CHODL: variants seen among roughly 807,000 people sequenced by gnomAD.
CHODL encodes the protein transmembrane protein MT75.
Under a neutral mutation model 34.5 loss-of-function variants are expected in CHODL, and 29 were observed. The ratio of observed to expected loss-of-function variants is 0.84; its 90% CI spans 0.63 to 1.15. The LOEUF is 1.15. Among genes scored for constraint, CHODL ranks in the 50% most tolerant of loss-of-function variants. The probability of loss-of-function intolerance (pLI) is 0.00; values close to 1 mark genes in which losing one functional copy is unlikely to be tolerated. For missense variants in CHODL, 332 were observed against 332.5 expected (o/e 1.00, Z 0.01); for synonymous variants, 125 against 116.1 (o/e 1.08, Z -0.49).
intron 2 of CHODL, chr21:18,099,955 C>T (rs1036788466): frequency 6.6e-6 from 1 of 151,924 alleles, no homozygotes; most frequent in African/African-American, 2.4e-5. Flanking sequence ...ATGGAGGGGT[C>T]CAGATGTTAT....
At chr21:17,960,763 T>G (rs1428988619) in intron 1 of CHODL, among the ~76,000 whole-genome samples, 1 of 152,158 alleles carries the variant, frequency 6.6e-6, no homozygotes, top group Admixed American at 6.6e-5. Flanking sequence ...TCCCCGGTCA[T>G]TCTCTCTTCT....
chr21:17,997,302 C>G (rs2063859187), intron 1 of CHODL, among the ~76,000 whole-genome samples: 1 of 152,206 alleles, frequency 6.6e-6, no homozygotes, highest in Non-Finnish European at 1.5e-5. Context: ...GCATGGCCAG[C>G]TTTCCTTCCT....
At chr21:18,135,879 C>A (rs566811037) in intron 2 of CHODL, among the ~76,000 whole-genome samples, 14 of 151,966 alleles carry the variant, frequency 9.2e-5, no homozygotes, top group African/African-American at 3.1e-4. Context: ...GAGGCCAAGG[C>A]GGATGGATCA....
intron 1 of CHODL, among the ~76,000 whole-genome samples, chr21:17,974,968 C>T (rs1472882347): frequency 6.7e-6 from 1 of 148,682 alleles, no homozygotes; most frequent in African/African-American, 2.4e-5. Flanking sequence ...ATATTATAGA[C>T]ATATATAAAA....
chr21:17,992,069 A>C (rs2063801719), intron 1 of CHODL, among the ~76,000 whole-genome samples: 1 of 152,134 alleles, frequency 6.6e-6, no homozygotes, highest in South Asian at 2.1e-4. Flanking sequence ...AGCACCAGTT[A>C]TTGAAGAGAC....
intron 2 of CHODL, among the ~76,000 whole-genome samples, chr21:18,206,130 G>A (rs1289318463): frequency 6.6e-6 from 1 of 152,130 alleles, no homozygotes; most frequent in Non-Finnish European, 1.5e-5. Context: ...AAAATGTTCC[G>A]TAAATATCTG....
rs145418402 is a variant in CHODL at position 18,260,212 on chromosome 21, C to G, written c.560C>G (p.Thr187Arg). ...ICKYEPEINPTAPVEKPYLTN... is the reference protein window; with the variant it reads ...ICKYEPEINPRAPVEKPYLTN... ...TTATTATTTACAGAGATTAATCCAACAGCCCCTGTAGAAAAGCCTTATCTT... is the reference window on the plus strand; with the variant it reads ...TTATTATTTACAGAGATTAATCCAAGAGCCCCTGTAGAAAAGCCTTATCTT... Residue 187 changes from threonine to arginine, a missense_variant, in exon 4 of 6, where the codon ACA becomes AGA. Thr to Arg is a moderately conservative substitution (Grantham distance 71). Coordinates refer to ENST00000299295, the MANE Select transcript of CHODL (RefSeq NM_024944.3). The G allele has an allele frequency of 6.4e-7, 1 of 1,563,118 alleles. No homozygotes were observed. The highest frequency in any genetic ancestry group is 8.7e-7 in the Non-Finnish European group (1 of 1,155,706).
chr21:18,133,791 T>C (rs1276585366), intron 2 of CHODL, among the ~76,000 whole-genome samples: 2 of 152,168 alleles, frequency 1.3e-5, no homozygotes, highest in South Asian at 2.1e-4. Context: ...TAGGAATCTT[T>C]ATGAACATGA....
chr21:18,245,067 A>T lies in CHODL; in HGVS notation c.-157A>T. 1.7e-6 allele frequency: 1 copy of T among 584,290 alleles called. No individual in the cohort carries two copies. The highest frequency in any genetic ancestry group is 2.7e-6 in the Non-Finnish European group (1 of 365,856). The allele number at this position is 584,290 out of a possible 1,614,324, so 36.2% of individuals were successfully genotyped here. A position where few individuals can be genotyped will look rare whatever the true frequency, so the allele number is the denominator to read the frequency against. ...CGCGGCAGGCGGCAGGTCCCGGCCGAAGGCGATGCGCGCAGGGGGTCGGGC... is the reference window on the plus strand; with the variant it reads ...CGCGGCAGGCGGCAGGTCCCGGCCGTAGGCGATGCGCGCAGGGGGTCGGGC... On this transcript the variant is annotated 5_prime_UTR_variant, in exon 1 of 6. Coordinates refer to ENST00000299295, the MANE Select transcript of CHODL (RefSeq NM_024944.3).
intron 2 of CHODL, among the ~76,000 whole-genome samples, chr21:18,183,076 A>C (rs2073400973): frequency 6.6e-6 from 1 of 152,204 alleles, no homozygotes; most frequent in Non-Finnish European, 1.5e-5. Flanking sequence ...CAACCACTAA[A>C]AACCTCATTC....
intron 1 of CHODL, among the ~76,000 whole-genome samples, chr21:17,966,400 TGGG>T (rs1458239116): frequency 6.6e-6 from 1 of 151,966 alleles, no homozygotes; most frequent in African/African-American, 2.4e-5. Context: ...ATGCAAGAAA[TGGG>T]TTGTGAAAGA....
chr21:17,983,201 T>G (rs1239403474), intron 1 of CHODL, among the ~76,000 whole-genome samples: 1 of 152,212 alleles, frequency 6.6e-6, no homozygotes, highest in African/African-American at 2.4e-5. Context: ...TCCATGCCTA[T>G]AGCCATAAAA....
intron 1 of CHODL, among the ~76,000 whole-genome samples, chr21:17,927,114 A>C (rs1475784083): frequency 4.6e-4 from 63 of 138,286 alleles, no homozygotes; most frequent in African/African-American, 1.7e-3. Context: ...GTATGTATAT[A>C]TGTATATATG....
At chr21:18,218,500 C>T (rs2073852148) in intron 2 of CHODL, among the ~76,000 whole-genome samples, 1 of 152,134 alleles carries the variant, frequency 6.6e-6, no homozygotes, top group African/African-American at 2.4e-5. Context: ...CATCCTAGAC[C>T]TCTAGGTTCA....
intron 2 of CHODL, among the ~76,000 whole-genome samples, chr21:18,159,171 A>C (rs1172948085): frequency 6.6e-6 from 1 of 152,218 alleles, no homozygotes; most frequent in Non-Finnish European, 1.5e-5. Context: ...GCTGCCACAC[A>C]ATGCAATGCA....
At chr21:17,944,082 A>G (rs1174349685) in intron 1 of CHODL, among the ~76,000 whole-genome samples, 1 of 130,420 alleles carries the variant, frequency 7.7e-6, no homozygotes, top group Non-Finnish European at 1.6e-5. Flanking sequence ...GTGAGCCACT[A>G]GACTGTTATT....
At chr21:17,955,220 A>G (rs2063487169) in intron 1 of CHODL, among the ~76,000 whole-genome samples, 1 of 137,432 alleles carries the variant, frequency 7.3e-6, no homozygotes, top group African/African-American at 2.5e-5. Context: ...TCACTGAAAT[A>G]ATCTTACCTG....
rs182892856 is a variant in CHODL, at chr21:18,060,593, T to C, written c.-45+32622T>C. Among the ~76,000 whole-genome samples, 5 of 151,234 alleles carry C rather than the reference T, an allele frequency of 3.3e-5. 1 individual carries two copies. The East Asian group carries it at 9.7e-4, about 29-fold the overall frequency. Reference sequence around the variant, plus strand: ...GACCAAGGCATGGCAGCTGAATTCATGCTGAATCATCATAAATAGGAATAT... The same window carrying C: ...GACCAAGGCATGGCAGCTGAATTCACGCTGAATCATCATAAATAGGAATAT... On this transcript the variant is annotated intron_variant, in intron 2 of 6. Coordinates refer to the CHODL transcript ENST00000400127.
intron 1 of CHODL, among the ~76,000 whole-genome samples, chr21:18,017,862 G>C (rs762926212): frequency 1.3e-5 from 2 of 152,238 alleles, no homozygotes; most frequent in Admixed American, 6.5e-5. Context: ...GGGAGAAGCT[G>C]TGGAGCCTGA....
Sources: gnomAD v4.1 joint callset for allele counts (sites outside exome capture counted in the v4.1 genomes callset) on GRCh38, gnomAD v4.1.1 for gene constraint, MANE v1.5 for transcripts, NCBI Gene and HGNC (gene_info 2026-07-23, HGNC 2026-07-21) for gene names.